DSCAML1: variants seen among roughly 807,000 people sequenced by gnomAD.
The protein encoded by DSCAML1 is cell adhesion molecule DSCAML1.
Under a neutral mutation model 200.5 loss-of-function variants are expected in DSCAML1, and 38 were observed. That is an observed-to-expected ratio of 0.19 (90% CI 0.15 to 0.25). DSCAML1 has a LOEUF of 0.25. Among genes scored for constraint, DSCAML1 ranks in the 10% least tolerant of loss-of-function variants. The pLI is 1.00. For synonymous variants in DSCAML1, 1,215 were observed against 1,165.0 expected (o/e 1.04, Z -0.87); for missense variants, 2,223 against 2,858.8 (o/e 0.78, Z 5.07).
intron 1 of DSCAML1, among the ~76,000 whole-genome samples, chr11:117,808,363 T>C (rs60657131): frequency 0.021 from 3,136 of 152,280 alleles, 66 homozygotes; most frequent in East Asian, 0.086. Flanking sequence ...CCTGAGACCA[T>C]GGCTGGGCTG....
chr11:117,810,673 G>A (rs915917273), intron 1 of DSCAML1, among the ~76,000 whole-genome samples: 7 of 152,056 alleles, frequency 4.6e-5, no homozygotes, highest in South Asian at 2.1e-4. Flanking sequence ...CTGCAATGCC[G>A]CTTGACCCCA....
At chr11:117,669,967 C>G (rs2053069472) in intron 3 of DSCAML1, among the ~76,000 whole-genome samples, 1 of 152,254 alleles carries the variant, frequency 6.6e-6, no homozygotes, top group Non-Finnish European at 1.5e-5. Flanking sequence ...AGCTGATGGC[C>G]TGGCCAAGCC....
chr11:117,739,405 C>G (rs2054381368), intron 3 of DSCAML1, among the ~76,000 whole-genome samples: 1 of 152,216 alleles, frequency 6.6e-6, no homozygotes, highest in Non-Finnish European at 1.5e-5. Context: ...ACTAAGCCCC[C>G]CAGCCGATAC....
intron 3 of DSCAML1, among the ~76,000 whole-genome samples, chr11:117,647,315 C>T (rs912187930): frequency 2.0e-5 from 3 of 152,202 alleles, no homozygotes; most frequent in African/African-American, 7.2e-5. Flanking sequence ...TGAATTGAGT[C>T]AGGCTAATGA....
chr11:117,519,271 G>A lies in DSCAML1; in HGVS notation c.1214-509C>T, dbSNP rs12277685. ...GGAGTCTGATTCCAGTTCCCTCTGC[G>A]TGGGGCCTCAGGAGGGGGTGGTGGC... On this transcript the variant is annotated intron_variant, in intron 6 of 32. Coordinates refer to ENST00000651296, the MANE Select transcript of DSCAML1 (RefSeq NM_020693.4). 4.0e-3 allele frequency among the ~76,000 whole-genome samples: 606 copies of A among 152,304 alleles called. 3 individuals are homozygous for A. The highest frequency in any genetic ancestry group is 0.014 in the African/African-American group (583 of 41,562).
In DSCAML1 at chr11:117,704,984, C is replaced by T. The variant is rs539333434; in HGVS notation, c.511+71807G>A. 1.1e-4 allele frequency among the ~76,000 whole-genome samples: 17 copies of T among 152,188 alleles called. No individual in the cohort carries two copies. In the South Asian group the frequency reaches 2.7e-3, roughly 24 times the overall value. On this transcript the variant is annotated intron_variant, in intron 3 of 32. Coordinates refer to ENST00000651296, the MANE Select transcript of DSCAML1 (RefSeq NM_020693.4). Reference sequence around the variant, plus strand: ...AGCTAAGTGGAGTGCTGTCAAGGTACGAGTGTGCGCCCCGGATGTGTGTGT... The same window carrying T: ...AGCTAAGTGGAGTGCTGTCAAGGTATGAGTGTGCGCCCCGGATGTGTGTGT...
intron 3 of DSCAML1, among the ~76,000 whole-genome samples, chr11:117,682,609 C>T (rs1341432495): frequency 2.0e-5 from 3 of 152,166 alleles, no homozygotes; most frequent in Non-Finnish European, 4.4e-5. Flanking sequence ...ACCTGGACAT[C>T]CTGCACCCTG....
intron 27 of DSCAML1, among the ~76,000 whole-genome samples, chr11:117,435,069 G>A (rs769134292): frequency 1.2e-4 from 18 of 152,202 alleles, no homozygotes; most frequent in Non-Finnish European, 2.4e-4. Flanking sequence ...GTATATTTAT[G>A]AAGCAACTAG....
At chr11:117,430,379 A>C (rs997821943) in intron 32 of DSCAML1, among the ~76,000 whole-genome samples, 1 of 152,240 alleles carries the variant, frequency 6.6e-6, no homozygotes, top group Non-Finnish European at 1.5e-5. Flanking sequence ...TCACTACCGA[A>C]TGAATGAGGC....
At position 117,436,996 on chromosome 11, in the gene DSCAML1, TC is replaced by T. The variant is rs1330427550; in HGVS notation, c.4720+125del. The T allele has an allele frequency of 6.8e-6, 9 of 1,329,032 alleles. No individual in the cohort carries two copies. The East Asian group carries it at 2.2e-4, about 32-fold the overall frequency. 82.3% of individuals were successfully genotyped at this position (1,329,032 alleles called of 1,614,324 possible). A position where few individuals can be genotyped will look rare whatever the true frequency, so the allele number is the denominator to read the frequency against. On this transcript the variant is annotated intron_variant, in intron 26 of 32. Coordinates refer to ENST00000651296, the MANE Select transcript of DSCAML1 (RefSeq NM_020693.4). Reference sequence around the variant, plus strand: ...GCCCCTTCACCTGCAGGCCAGCATTTCCCCCACCTGCATTCCTGCCTGTTTT... The same window carrying T: ...GCCCCTTCACCTGCAGGCCAGCATTTCCCCACCTGCATTCCTGCCTGTTTT...
chr11:117,636,296 A>C (rs2137583054), intron 3 of DSCAML1, among the ~76,000 whole-genome samples: 1 of 152,314 alleles, frequency 6.6e-6, no homozygotes, highest in Admixed American at 6.5e-5. Context: ...TTCCTTTTTA[A>C]GAGTGGAGCG....
chr11:117,490,267 C>T (rs769359536), intron 11 of DSCAML1, among the ~76,000 whole-genome samples: 10 of 152,220 alleles, frequency 6.6e-5, no homozygotes, highest in Non-Finnish European at 1.3e-4. Flanking sequence ...TGAAATTACT[C>T]GCAGGCCGGC....
intron 20 of DSCAML1, among the ~76,000 whole-genome samples, chr11:117,444,250 G>T (rs1308657996): frequency 6.6e-6 from 1 of 152,220 alleles, no homozygotes; most frequent in Non-Finnish European, 1.5e-5. Flanking sequence ...CTGCCTCGCG[G>T]TGTTGCTGGG....
chr11:117,720,369 C>G (rs946073076), intron 3 of DSCAML1, among the ~76,000 whole-genome samples: 6 of 152,162 alleles, frequency 3.9e-5, no homozygotes, highest in South Asian at 2.1e-4. Flanking sequence ...GACAAAGTAC[C>G]GAGATGGAGT....
rs150457467 is a variant in DSCAML1, at chr11:117,428,635, G to A, written c.5855C>T (p.Ser1952Phe). ...GGCCCCTGGGTGGGGAAGGCCCAAG[G>A]ACTTGCTGGCAGGGTCCAGGGTCAG... The part of the protein sequence containing the change: ...RHLTLDPASK[S>F]LGLPHPGAPA... Residue 1952 changes from serine (S) to phenylalanine (F), a missense_variant, in exon 33 of 33, where the codon TCC becomes TTC. This residue lies in a region of DSCAML1 where 280 missense variants were observed against 213.4 expected (regional missense o/e 1.31). Coordinates refer to ENST00000651296, the MANE Select transcript of DSCAML1 (RefSeq NM_020693.4). 8 of 1,610,966 alleles carry A rather than the reference G, an allele frequency of 5.0e-6. No individual in the cohort carries two copies. Among genetic ancestry groups the A allele is most frequent in the African/African-American group, 2.7e-5 (2 of 74,882 alleles).
At chr11:117,429,666 A>G (rs1236172499) in intron 32 of DSCAML1, among the ~76,000 whole-genome samples, 3 of 152,056 alleles carry the variant, frequency 2.0e-5, no homozygotes, top group East Asian at 1.9e-4. Context: ...GAGCCGCCGC[A>G]CCCAACCTAG....
intron 14 of DSCAML1, among the ~76,000 whole-genome samples, chr11:117,474,027 T>C (rs946878265): frequency 3.3e-5 from 5 of 152,066 alleles, no homozygotes; most frequent in African/African-American, 1.2e-4. Flanking sequence ...GTGCATTCAT[T>C]TTTGATGAGT....
intron 1 of DSCAML1, among the ~76,000 whole-genome samples, chr11:117,789,006 G>A (rs1444471941): frequency 1.3e-5 from 2 of 152,054 alleles, no homozygotes; most frequent in African/African-American, 2.4e-5. Context: ...CCAACTAAAC[G>A]CCAGCAGCTC....
intron 3 of DSCAML1, among the ~76,000 whole-genome samples, chr11:117,759,359 C>A (rs2054757546): frequency 6.6e-6 from 1 of 152,162 alleles, no homozygotes; most frequent in African/African-American, 2.4e-5. Flanking sequence ...TGGAACAAAC[C>A]TAGGTGCTTT....
Sources: allele counts gnomAD v4.1 joint callset (sites outside exome capture counted in the v4.1 genomes callset), GRCh38; gene constraint gnomAD v4.1.1; regional missense constraint gnomAD v4.1.1; transcripts MANE v1.5; gene names NCBI Gene and HGNC (gene_info 2026-07-23, HGNC 2026-07-21).